Variants in POT1 observed in about 807,000 individuals in gnomAD.
The protein encoded by POT1 is protection of telomeres protein 1.
A neutral mutation model predicts 78.5 loss-of-function variants in POT1; 47 were observed. The observed-to-expected ratio is 0.60, with a 90% CI of 0.47 to 0.76. POT1 has a LOEUF of 0.76. Among genes scored for constraint, POT1 ranks in the 30% least tolerant of loss-of-function variants. POT1 has a pLI of 0.00. For missense variants in POT1, 646 were observed against 749.9 expected (o/e 0.86, Z 1.62); for synonymous variants, 259 against 260.7 (o/e 0.99, Z 0.06).
At chr7:124,904,941 G>A (rs1229430601) in intron 3 of POT1, among the ~76,000 whole-genome samples, 1 of 152,206 alleles carries the variant, frequency 6.6e-6, no homozygotes, top group Non-Finnish European at 1.5e-5. Context: ...TACAAGGGAT[G>A]TGAAGGACCT....
chr7:124,823,808 T>C lies in POT1; in HGVS notation c.*154A>G. On this transcript the variant is annotated 3_prime_UTR_variant, in exon 19 of 19. Coordinates refer to ENST00000357628, the MANE Select transcript of POT1 (RefSeq NM_015450.3). ...TAGCCATTATTTACCTTGCACCCAGTAAAAGCCAAGAGATTTAAGGTAAGG... is the reference window on the plus strand; with the variant it reads ...TAGCCATTATTTACCTTGCACCCAGCAAAAGCCAAGAGATTTAAGGTAAGG... 1.7e-6 allele frequency: 1 copy of C among 604,290 alleles called. No homozygotes were observed. The highest frequency in any genetic ancestry group is 2.9e-6 in the Non-Finnish European group (1 of 342,458). 37.4% of individuals were successfully genotyped at this position (604,290 alleles called of 1,614,324 possible). A position where few individuals can be genotyped will look rare whatever the true frequency, so the allele number is the denominator to read the frequency against.
chr7:124,855,385 C>G (rs1316112828), intron 9 of POT1, among the ~76,000 whole-genome samples: 1 of 151,680 alleles, frequency 6.6e-6, no homozygotes, highest in Non-Finnish European at 1.5e-5. Context: ...TTGTCTACTA[C>G]AGTATTTTTT....
At chr7:124,880,924 A>G (rs1438193952) in intron 6 of POT1, among the ~76,000 whole-genome samples, 1 of 152,050 alleles carries the variant, frequency 6.6e-6, no homozygotes, top group Non-Finnish European at 1.5e-5. Flanking sequence ...TACAGTAGCA[A>G]TACTTCCAAA....
intron 2 of POT1, among the ~76,000 whole-genome samples, chr7:124,923,722 A>C (rs1447094377): frequency 6.6e-6 from 1 of 151,744 alleles, no homozygotes; most frequent in African/African-American, 2.4e-5. Context: ...CATCATACAC[A>C]TTATATTCAG....
intron 3 of POT1, among the ~76,000 whole-genome samples, chr7:124,901,120 G>A (rs891227145): frequency 4.6e-5 from 7 of 152,126 alleles, no homozygotes; most frequent in Non-Finnish European, 1.0e-4. Flanking sequence ...AGACTTAAAC[G>A]TCCCCATCTG....
Position 124,834,483 on chromosome 7 carries a change from A to G in POT1, c.1505+796T>C, listed in dbSNP as rs568707836. On this transcript the variant is annotated intron_variant, in intron 15 of 18. Transcript: ENST00000357628. ...GGAGACATTTACACAGCCAACAAAC[A>G]TATGAAAGAAAGCTCAATGTCACTG... is the stretch of plus-strand genomic sequence containing the variant. Among the ~76,000 whole-genome samples the G allele has an allele frequency of 2.6e-5, 4 of 152,286 alleles. No individual in the cohort carries two copies. In the South Asian group the frequency reaches 6.2e-4, roughly 24 times the overall value.
chr7:124,856,723 G>A (rs1421716779), intron 9 of POT1, among the ~76,000 whole-genome samples: 7 of 152,146 alleles, frequency 4.6e-5, no homozygotes, highest in Admixed American at 6.5e-5. Context: ...ATAAAATGGC[G>A]AAGGAAGGTA....
intron 3 of POT1, among the ~76,000 whole-genome samples, chr7:124,909,046 C>A (rs1796830178): frequency 1.3e-5 from 2 of 151,858 alleles, no homozygotes; most frequent in African/African-American, 4.8e-5. Context: ...TCAAGACAGG[C>A]ACCACTCTAA....
intron 3 of POT1, among the ~76,000 whole-genome samples, chr7:124,911,610 T>C (rs1479138826): frequency 6.6e-6 from 1 of 152,150 alleles, no homozygotes; most frequent in Non-Finnish European, 1.5e-5. Flanking sequence ...TACCGCTGAT[T>C]AGTAACAGCA....
At chr7:124,914,954 A>G (rs548506097) in intron 3 of POT1, among the ~76,000 whole-genome samples, 1 of 152,290 alleles carries the variant, frequency 6.6e-6, no homozygotes, top group South Asian at 2.1e-4. Flanking sequence ...TATTTCTCAT[A>G]ACTCCCCTAT....
chr7:124,838,081 G>A (rs1023378046), intron 14 of POT1, among the ~76,000 whole-genome samples: 1 of 152,068 alleles, frequency 6.6e-6, no homozygotes, highest in East Asian at 1.9e-4. Context: ...CGATAAAATA[G>A]CCACAGCTAA....
At chr7:124,872,476 C>G (rs67326132) in intron 6 of POT1, among the ~76,000 whole-genome samples, 6,358 of 152,224 alleles carry the variant, frequency 0.042, 326 homozygotes, top group African/African-American at 0.12. Flanking sequence ...TGTCCACGCT[C>G]CCTGCCTGTT....
rs1419371633 is a variant in POT1, at chr7:124,863,479, C to G, written c.417G>C (p.Trp139Cys). The G allele has an allele frequency of 6.2e-7, 1 of 1,613,740 alleles. No homozygotes were observed. ...DHKMVEALRV[W>C]ASTHMSPSWT... ...AAGACGGTGACATATGAGTAGATGC[C>G]CAAACACGTAAGGCTTCTACCATTT... is the stretch of plus-strand genomic sequence containing the variant. The change falls in exon 8 of 19, where the codon TGG becomes TGC. Residue 139 changes from tryptophan (W) to cysteine (C), a missense_variant. Physicochemically the swap from Trp to Cys is radical, Grantham distance 215. Transcript: ENST00000357628.
intron 9 of POT1, among the ~76,000 whole-genome samples, chr7:124,856,878 A>G (rs1395247122): frequency 6.6e-6 from 1 of 152,222 alleles, no homozygotes; most frequent in Non-Finnish European, 1.5e-5. Context: ...TTTCAGGGAA[A>G]TAATGTCAAA....
intron 14 of POT1, among the ~76,000 whole-genome samples, chr7:124,836,499 C>A (rs1480421963): frequency 6.6e-6 from 1 of 152,164 alleles, no homozygotes; most frequent in Admixed American, 6.6e-5. Flanking sequence ...GAGACTGATA[C>A]CTAGCCCTGC....
At chr7:124,918,843 G>A (rs1256067833) in intron 2 of POT1, among the ~76,000 whole-genome samples, 3 of 152,076 alleles carry the variant, frequency 2.0e-5, no homozygotes, top group African/African-American at 7.2e-5. Flanking sequence ...TAAACTCCTA[G>A]ATGCATCATT....
In POT1 at chr7:124,900,992, C is replaced by T. The variant is rs1047248702; in HGVS notation, c.-153-2618G>A. ...CTGAGGCTTGACTAGGTAAACAAAG[C>T]GGCTGGGAAGCTTGAACTGGGTGGA... On this transcript the variant is annotated intron_variant, in intron 3 of 18. Coordinates refer to ENST00000357628, the MANE Select transcript of POT1 (RefSeq NM_015450.3). Among the ~76,000 whole-genome samples the T allele has an allele frequency of 5.9e-5, 9 of 152,232 alleles. No homozygotes were observed. The South Asian group carries it at 6.2e-4, about 11-fold the overall frequency.
chr7:124,892,019 G>C (rs1796383324), intron 6 of POT1, among the ~76,000 whole-genome samples: 1 of 151,368 alleles, frequency 6.6e-6, no homozygotes, highest in Non-Finnish European at 1.5e-5. Context: ...TTTTCATATG[G>C]TTTCACGTTG....
chr7:124,918,401 G>A (rs1797069647), intron 2 of POT1, among the ~76,000 whole-genome samples: 2 of 152,112 alleles, frequency 1.3e-5, no homozygotes, highest in Non-Finnish European at 2.9e-5. Flanking sequence ...TGTGCCACTG[G>A]GACTGCGTTT....
Sources: gnomAD v4.1 joint callset for allele counts (sites outside exome capture counted in the v4.1 genomes callset) on GRCh38, gnomAD v4.1.1 for gene constraint, MANE v1.5 for transcripts, NCBI Gene and HGNC (gene_info 2026-07-23, HGNC 2026-07-21) for gene names.